Variants in RANBP2 observed in about 807,000 individuals in gnomAD.
RANBP2 encodes E3 SUMO-protein ligase RanBP2.
In RANBP2, 57 loss-of-function variants were observed where a neutral mutation model predicts 303.6. That is an observed-to-expected ratio of 0.19 (90% CI 0.15 to 0.23). The LOEUF (loss-of-function observed/expected upper bound fraction) is 0.23, where lower values mean the gene tolerates loss of function less well. RANBP2 is among the 10% of genes least tolerant of loss of function. RANBP2 has a pLI of 1.00. For missense variants in RANBP2, 3,138 were observed against 3,780.8 expected, an observed-to-expected ratio of 0.83 and a Z score of 4.46; for synonymous variants, 1,167 against 1,301.5, an observed-to-expected ratio of 0.90 and a Z score of 2.23.
the RANBP2 span, among the ~76,000 whole-genome samples, chr2:109,323,528 T>TTG: frequency 1.3e-5 from 2 of 152,206 alleles, no homozygotes; most frequent in Non-Finnish European, 2.9e-5. Flanking sequence ...AGGAAGAATA[T>TTG]TGTAGGTAGT....
chr2:109,346,902 C>A, the RANBP2 span, among the ~76,000 whole-genome samples: 2 of 152,190 alleles, frequency 1.3e-5, no homozygotes, highest in Non-Finnish European at 2.9e-5. Context: ...CAAGTACATG[C>A]AGCAGAAAGC....
the RANBP2 span, among the ~76,000 whole-genome samples, chr2:108,826,267 G>C: frequency 6.6e-6 from 1 of 152,094 alleles, no homozygotes; most frequent in Admixed American, 6.5e-5. Context: ...TTTTTATAAA[G>C]TCCAATTTAT....
At chr2:108,903,278 C>T in the RANBP2 span, among the ~76,000 whole-genome samples, 3 of 152,068 alleles carry the variant, frequency 2.0e-5, no homozygotes, top group Admixed American at 2.0e-4. Context: ...ATGCCCATGG[C>T]TCAGAAGACT....
chr2:109,396,034 C>T, the RANBP2 span, among the ~76,000 whole-genome samples: 3 of 152,192 alleles, frequency 2.0e-5, no homozygotes, highest in Non-Finnish European at 4.4e-5. Flanking sequence ...CAAGTGCAGG[C>T]GCGTGGCAGG....
chr2:109,350,551 C>A, the RANBP2 span, among the ~76,000 whole-genome samples: 1 of 152,188 alleles, frequency 6.6e-6, no homozygotes, highest in South Asian at 2.1e-4. Flanking sequence ...GATTGGCCAC[C>A]CCTGCTACCT....
intron 24 of RANBP2, among the ~76,000 whole-genome samples, 170 bp downstream of exon 24, chr2:108,776,106 G>A (rs1677875464): frequency 6.6e-6 from 1 of 152,112 alleles, no homozygotes; most frequent in Non-Finnish European, 1.5e-5. Flanking sequence ...ATACTGTGTT[G>A]CCAACAAATA....
chr2:109,578,249 G>A, the RANBP2 span, among the ~76,000 whole-genome samples: 1 of 152,146 alleles, frequency 6.6e-6, no homozygotes, highest in Non-Finnish European at 1.5e-5. Context: ...ACCATTGTCA[G>A]ATTGTGTTTT....
At chr2:109,154,793 G>T in the RANBP2 span, among the ~76,000 whole-genome samples, 1 of 152,150 alleles carries the variant, frequency 6.6e-6, no homozygotes, top group Non-Finnish European at 1.5e-5. Context: ...GGAGACCTGT[G>T]GTGACACCAA....
At chr2:109,141,121 G>A in the RANBP2 span, among the ~76,000 whole-genome samples, 1 of 152,168 alleles carries the variant, frequency 6.6e-6, no homozygotes, top group Non-Finnish European at 1.5e-5. Flanking sequence ...CTTCATCCAG[G>A]TGGAAAGATG....
At chr2:108,977,294 A>C in the RANBP2 span, among the ~76,000 whole-genome samples, 5 of 151,796 alleles carry the variant, frequency 3.3e-5, no homozygotes, top group African/African-American at 1.2e-4. Flanking sequence ...TTTGAGATGG[A>C]GTCTCGCTCT....
the RANBP2 span, among the ~76,000 whole-genome samples, chr2:108,865,856 C>T: frequency 7.9e-5 from 12 of 152,246 alleles, no homozygotes; most frequent in Admixed American, 5.2e-4. Context: ...CCCAAATTGC[C>T]ATGAGTGGCC....
the RANBP2 span, among the ~76,000 whole-genome samples, chr2:109,164,992 C>T: frequency 7.2e-5 from 11 of 152,152 alleles, no homozygotes; most frequent in South Asian, 2.1e-4. Flanking sequence ...TCTTAGTCAT[C>T]GTCTTCCTTG....
the RANBP2 span, among the ~76,000 whole-genome samples, chr2:109,087,848 G>C: frequency 3.9e-5 from 6 of 152,168 alleles, no homozygotes; most frequent in African/African-American, 1.4e-4. Flanking sequence ...TGATTTCATG[G>C]CTCAGCTTCT....
rs1247816984 is a variant in RANBP2, at chr2:108,752,617, C to CAAAAAAAA, written c.1756-369_1756-362dup. Among the ~76,000 whole-genome samples, 50 of 40,558 alleles carry CAAAAAAAA rather than the reference C, an allele frequency of 1.2e-3. 1 individual carries two copies. The highest frequency in any genetic ancestry group is 2.7e-3 in the African/African-American group (27 of 9,840). 26.6% of individuals were successfully genotyped at this position (40,558 alleles called of 152,430 possible). A position where few individuals can be genotyped will look rare whatever the true frequency, so the allele number is the denominator to read the frequency against. On this transcript the variant is annotated intron_variant, in intron 12 of 28. Transcript: ENST00000283195. ...TGAAACCCCGTCTCTACTAAAAATA[C>CAAAAAAAA]AAAAAAAAAAAAAAAAAAAGAAAAA... is the stretch of plus-strand genomic sequence containing the variant.
chr2:108,792,989 G>C, the RANBP2 span, among the ~76,000 whole-genome samples: 1 of 151,806 alleles, frequency 6.6e-6, no homozygotes, highest in Non-Finnish European at 1.5e-5. Context: ...ACTTGAACCC[G>C]GGAAGCGGAG....
chr2:109,228,679 G>A, the RANBP2 span, among the ~76,000 whole-genome samples: 1,054 of 152,176 alleles, frequency 6.9e-3, 10 homozygotes, highest in African/African-American at 0.024. Flanking sequence ...ATTAGTGGAG[G>A]GCATGATAAA....
the RANBP2 span, chr2:108,930,882 T>G: frequency 4.0e-6 from 6 of 1,483,114 alleles, no homozygotes; most frequent in East Asian, 1.4e-4. Flanking sequence ...GCATTCCCAT[T>G]TTACAGCTGA....
At chr2:109,571,492 G>C in the RANBP2 span, among the ~76,000 whole-genome samples, 5 of 152,150 alleles carry the variant, frequency 3.3e-5, no homozygotes, top group East Asian at 1.9e-4. Context: ...TAATACAATG[G>C]TAAGTGTGTG....
chr2:109,715,992 A>C, the RANBP2 span, among the ~76,000 whole-genome samples: 13 of 152,176 alleles, frequency 8.5e-5, no homozygotes, highest in Non-Finnish European at 1.5e-4. Flanking sequence ...GACAGGTCTC[A>C]ATTTAGAAGT....
Sources: allele counts gnomAD v4.1 joint callset (sites outside exome capture counted in the v4.1 genomes callset), GRCh38; gene constraint gnomAD v4.1.1; transcripts MANE v1.5; gene names NCBI Gene and HGNC (gene_info 2026-07-23, HGNC 2026-07-21).